The following HOOK2 variants were observed in gnomAD, a reference collection of about 807,000 sequenced individuals.
HOOK2 encodes hook microtubule tethering protein 2.
Under a neutral mutation model 111.9 loss-of-function variants are expected in HOOK2, and 108 were observed. The ratio of observed to expected loss-of-function variants is 0.96; its 90% confidence interval spans 0.83 to 1.13. The LOEUF is 1.13. HOOK2 is among the 50% of genes most tolerant of loss of function. The pLI, the probability that HOOK2 is intolerant of heterozygous loss-of-function variation, is 0.00. For missense variants in HOOK2, 978 were observed against 951.3 expected (o/e 1.03, Z -0.37); for synonymous variants, 405 against 394.3 (o/e 1.03, Z -0.32).
intron 3 of HOOK2, chr19:12,774,445 A>C (rs1449659031): frequency 1.7e-6 from 1 of 604,092 alleles, no homozygotes; most frequent in Non-Finnish European, 3.0e-6. Flanking sequence ...GTTGCTTGTC[A>C]CTAGAATGAT....
chr19:12,764,035 G>C (rs1968075371), intron 20 of HOOK2, among the ~76,000 whole-genome samples: 1 of 152,026 alleles, frequency 6.6e-6, no homozygotes, highest in South Asian at 2.1e-4. Flanking sequence ...TTATTTTTGT[G>C]ATGGAGTCTG....
In HOOK2 at chr19:12,786,812, T is replaced by A. The variant is rs1433017845; in HGVS notation, n.42-12587A>T. ...TTGGAGGAACCCTACTCCCACATGCTGGCCTGTCCACAGAGACCCGTGCCC... is the reference window on the plus strand; with the variant it reads ...TTGGAGGAACCCTACTCCCACATGCAGGCCTGTCCACAGAGACCCGTGCCC... On this transcript the variant is annotated intron_variant and non_coding_transcript_variant, in intron 3 of 3. Coordinates refer to the HOOK2 transcript ENST00000589765. The surrounding 1 kb of genome is among the most constrained non-coding windows in gnomAD (Gnocchi z 4.3). Among the ~76,000 whole-genome samples, 1 of 152,164 alleles carries A rather than the reference T, an allele frequency of 6.6e-6. No individual in the cohort carries two copies. The highest frequency in any genetic ancestry group is 1.5e-5 in the Non-Finnish European group (1 of 68,022).
Position 12,771,158 on chromosome 19 carries a change from C to T in HOOK2, c.761+1G>A, listed in dbSNP as rs1208348757. 6.2e-6 allele frequency: 10 copies of T among 1,613,466 alleles called. No homozygotes were observed. The highest frequency in any genetic ancestry group is 8.5e-6 in the Non-Finnish European group (10 of 1,179,790). On this transcript the variant is annotated splice_donor_variant, in intron 9 of 22. Coordinates refer to ENST00000397668, the MANE Select transcript of HOOK2 (RefSeq NM_013312.3). LOFTEE classifies it high-confidence loss of function. ...CTGGCCCAGTCCCCAGCTGACCACA[C>T]CTGAAGTTCTCCTCCTGCAACTGCT...
At chr19:12,771,843 C>G in intron 7 of HOOK2, 1 of 331,108 alleles carries the variant, frequency 3.0e-6, no homozygotes, top group Non-Finnish European at 5.6e-6. Flanking sequence ...GATCGTGCCA[C>G]TGCACTCCAG....
In HOOK2 at chr19:12,775,548, G is replaced by C. The variant is rs1968477963; in HGVS notation, c.-99C>G. 8.0e-7 allele frequency: 1 copy of C among 1,256,492 alleles called. No individual in the cohort carries two copies. The highest frequency in any genetic ancestry group is 1.6e-5 in the African/African-American group (1 of 62,684). 77.8% of individuals were successfully genotyped at this position (1,256,492 alleles called of 1,614,324 possible). ...CGCCCGCAGCCCCGACCTCCCGCTC[G>C]GCCTAGAGCGCCGCCCCGCCCCGCC... On this transcript the variant is annotated 5_prime_UTR_variant, in exon 1 of 23. Coordinates refer to ENST00000397668, the MANE Select transcript of HOOK2 (RefSeq NM_013312.3).
rs1266638308 is a variant in HOOK2, at chr19:12,772,835, G to A, written c.333C>T (p.Leu111=). 25 of 1,614,084 alleles carry A rather than the reference G, an allele frequency of 1.5e-5. 1 individual carries two copies. The highest frequency in any genetic ancestry group is 6.7e-5 in the East Asian group (3 of 44,898). ...LIGEFSDPAE[L]GKLLQLVLGC... is the part of the protein sequence containing the mutation. ...CCAGCACCAGCTGAAGCAGCTTGCCGAGCTCTGCCGGGTCTGAGAACTCTC... is the reference window on the plus strand; with the variant it reads ...CCAGCACCAGCTGAAGCAGCTTGCCAAGCTCTGCCGGGTCTGAGAACTCTC... The change falls in exon 5 of 23, where the codon CTC becomes CTT. Residue 111 remains leucine (L), a synonymous_variant. Transcript: ENST00000397668.
chr19:12,772,203 T>G lies in HOOK2; in HGVS notation c.506A>C (p.Asn169Thr). 1.2e-6 allele frequency: 2 copies of G among 1,613,256 alleles called. No homozygotes were observed. Among genetic ancestry groups the G allele is most frequent in the South Asian group, 1.1e-5 (1 of 91,082 alleles). ...PDSLSPETYGNFDSQSRRYYF... is the reference protein window; with the variant it reads ...PDSLSPETYGTFDSQSRRYYF... ...CAAATCTCTTACCTGGCTGTCAAAGTTGCCATACGTCTCTGGTGACAGGGA... is the reference window on the plus strand; with the variant it reads ...CAAATCTCTTACCTGGCTGTCAAAGGTGCCATACGTCTCTGGTGACAGGGA... The change falls in exon 7 of 23, where the codon AAC (asparagine) becomes ACC (threonine). Residue 169 changes from asparagine to threonine, a missense_variant. Coordinates refer to ENST00000397668, the MANE Select transcript of HOOK2 (RefSeq NM_013312.3).
intron 19 of HOOK2, 21 bp downstream of exon 19, chr19:12,764,978 T>A (rs755971052): frequency 6.2e-7 from 1 of 1,614,070 alleles, no homozygotes. Flanking sequence ...CCCCACCCTC[T>A]GGTCACTAGG....
At position 12,763,440 on chromosome 19, in the gene HOOK2, G is replaced by A; in HGVS notation, c.2011-9C>T. The A allele has an allele frequency of 6.2e-7, 1 of 1,613,654 alleles. No individual in the cohort carries two copies. The highest frequency in any genetic ancestry group is 8.5e-7 in the Non-Finnish European group (1 of 1,179,760). ...TGCTGCAAGGCCATGCCCTTCAGGA[G>A]GAGGTGTGGTTGGGGTCAGGTGAGC... On this transcript the variant is annotated splice_polypyrimidine_tract_variant and intron_variant, in intron 22 of 22. Transcript: ENST00000397668.
intron 10 of HOOK2, 36 bp downstream of exon 10, chr19:12,770,896 C>T (rs774968959): frequency 1.9e-6 from 3 of 1,568,074 alleles, no homozygotes; most frequent in Non-Finnish European, 2.6e-6. Flanking sequence ...TTACCCCCCG[C>T]CCCCCGTGAT....
chr19:12,789,672 G>T (rs1023900849), intron 3 of HOOK2, among the ~76,000 whole-genome samples: 1 of 151,520 alleles, frequency 6.6e-6, no homozygotes, highest in South Asian at 2.1e-4. Context: ...TCCGCGCCCC[G>T]TCGGGCCGGG....
intron 1 of HOOK2, chr19:12,775,185 C>T: frequency 1.0e-6 from 1 of 985,324 alleles, no homozygotes. Context: ...GTCCTCGCCC[C>T]ACGTGAACCA....
rs1290204507 is a variant in HOOK2, at chr19:12,774,264, C to T, written c.204+405G>A. 4.9e-5 allele frequency: 13 copies of T among 266,810 alleles called. No homozygotes were observed. In the Admixed American group the frequency reaches 5.7e-4, roughly 12 times the overall value. The allele number at this position is 266,810 out of a possible 1,614,324, so 16.5% of individuals were successfully genotyped here. A position where few individuals can be genotyped will look rare whatever the true frequency, so the allele number is the denominator to read the frequency against. On this transcript the variant is annotated intron_variant, in intron 3 of 22. Coordinates refer to ENST00000397668, the MANE Select transcript of HOOK2 (RefSeq NM_013312.3). Reference sequence around the variant, plus strand: ...GGGATTACAGGTGCACACCACCCCACCCAGCTAATTTTTGTATTTTTAGTA... The same window carrying T: ...GGGATTACAGGTGCACACCACCCCATCCAGCTAATTTTTGTATTTTTAGTA...
intron 3 of HOOK2, chr19:12,774,273 T>G: frequency 3.8e-6 from 1 of 262,710 alleles, no homozygotes; most frequent in Non-Finnish European, 7.6e-6. Context: ...ACCCAGCTAA[T>G]TTTTGTATTT....
At chr19:12,788,255 C>G (rs1968674713) in intron 3 of HOOK2, among the ~76,000 whole-genome samples, 1 of 152,164 alleles carries the variant, frequency 6.6e-6, no homozygotes, top group Non-Finnish European at 1.5e-5. Flanking sequence ...GTTCCTTAAT[C>G]TCCTGTGGCT....
intron 3 of HOOK2, 158 bp from the exon 4 acceptor site, chr19:12,773,202 C>T (rs1968388121): frequency 1.6e-6 from 1 of 618,474 alleles, no homozygotes; most frequent in Admixed American, 3.0e-5. Flanking sequence ...GGCTGTCTGC[C>T]CCTTTTGTCT....
At chr19:12,792,019 C>A (rs763730409) in intron 3 of HOOK2, 4 of 1,611,714 alleles carry the variant, frequency 2.5e-6, no homozygotes, top group Non-Finnish European at 3.4e-6. Flanking sequence ...CTCAAGCTCG[C>A]CTCTTCGGAG....
In HOOK2 at chr19:12,791,838, G is replaced by A. The variant is rs1475565285; in HGVS notation, n.42-17613C>T. 1 of 1,613,562 alleles carries A rather than the reference G, an allele frequency of 6.2e-7. No homozygotes were observed. The highest frequency in any genetic ancestry group is 8.5e-7 in the Non-Finnish European group (1 of 1,179,846). On this transcript the variant is annotated intron_variant and non_coding_transcript_variant, in intron 3 of 3. Transcript: ENST00000589765. The surrounding 1 kb of genome is among the most constrained non-coding windows in gnomAD (Gnocchi z 7.0). ...ATACACAGCTACGGGATACGGCCGG[G>A]CCCCTGGTGGCCTCTCTCTACACGA... is the stretch of plus-strand genomic sequence containing the variant.
chr19:12,769,448 G>A lies in HOOK2; in HGVS notation c.1104+433C>T, dbSNP rs1218289659. 2.6e-5 allele frequency among the ~76,000 whole-genome samples: 4 copies of A among 151,814 alleles called. No individual in the cohort carries two copies. In the East Asian group the frequency reaches 5.8e-4, roughly 22 times the overall value. On this transcript the variant is annotated intron_variant, in intron 11 of 22. Transcript: ENST00000397668. ...GGTCTTTTTCTTTTGTTTGAGTCAG[G>A]GTCTCACCCTGTCACCCAGGCTGGA...
Sources: gnomAD v4.1 joint callset for allele counts (sites outside exome capture counted in the v4.1 genomes callset) on GRCh38, gnomAD v4.1.1 for gene constraint, Gnocchi (gnomAD v3.1) non-coding constraint, MANE v1.5 for transcripts, NCBI Gene and HGNC (gene_info 2026-07-23, HGNC 2026-07-21) for gene names.